FNBP4: variants seen among roughly 807,000 people sequenced by gnomAD.
The protein encoded by FNBP4 is formin binding protein 4.
FNBP4 carries 34 observed loss-of-function variants against 119.3 expected under a neutral mutation model. The observed-to-expected ratio is 0.28, with a 90% confidence interval of 0.22 to 0.38. The LOEUF (loss-of-function observed/expected upper bound fraction) is 0.38, where lower values mean the gene tolerates loss of function less well. FNBP4 is among the 10% of genes least tolerant of loss of function. The pLI is 1.00. For synonymous variants in FNBP4, 462 were observed against 430.6 expected (o/e 1.07, Z -0.90); for missense variants, 1,112 against 1,228.9 (o/e 0.90, Z 1.42).
intron 2 of FNBP4, among the ~76,000 whole-genome samples, chr11:47,762,854 G>A (rs573592929): frequency 2.9e-5 from 4 of 136,298 alleles, no homozygotes; most frequent in African/African-American, 1.0e-4. Flanking sequence ...AGACTGCAGT[G>A]AGCCAAGATC....
Position 47,717,385 on chromosome 11 carries a change from C to CA in FNBP4, c.*36dup. On this transcript the variant is annotated 3_prime_UTR_variant, in exon 17 of 17. Transcript: ENST00000263773. ...TTAAGACTTTGAACTGAACACAAAA[C>CA]AAACAATAATACAAAAAAGTTTTAA... 1 of 1,412,230 alleles carries CA rather than the reference C, an allele frequency of 7.1e-7. No homozygotes were observed. The highest frequency in any genetic ancestry group is 9.9e-7 in the Non-Finnish European group (1 of 1,009,230). 87.5% of individuals were successfully genotyped at this position (1,412,230 alleles called of 1,614,324 possible).
intron 9 of FNBP4, among the ~76,000 whole-genome samples, chr11:47,734,564 G>A (rs959926495): frequency 3.9e-5 from 6 of 152,100 alleles, no homozygotes; most frequent in Non-Finnish European, 7.3e-5. Flanking sequence ...GTTGCAAATG[G>A]ATCCCAATAT....
intron 15 of FNBP4, among the ~76,000 whole-genome samples, chr11:47,721,188 G>A (rs2097555287): frequency 6.6e-6 from 1 of 151,816 alleles, no homozygotes; most frequent in Non-Finnish European, 1.5e-5. Context: ...TGGCGTGGTG[G>A]TGGGCGCCTG....
rs57166656 is a variant in FNBP4 at position 47,765,582 on chromosome 11, GC to G, written c.221-221del. On this transcript the variant is annotated intron_variant, in intron 1 of 16. Transcript: ENST00000263773. ...GAGGCCAAGACGGGGGGGGGGGGGG[GC>G]CACTTGAGGTCAGGGGTTCAAGACC... Among the ~76,000 whole-genome samples, 109 of 52,612 alleles carry G rather than the reference GC, an allele frequency of 2.1e-3. 2 individuals carry two copies. Among genetic ancestry groups the G allele is most frequent in the Non-Finnish European group, 3.1e-3 (91 of 29,192 alleles). 34.5% of individuals were successfully genotyped at this position (52,612 alleles called of 152,430 possible). A position where few individuals can be genotyped will look rare whatever the true frequency, so the allele number is the denominator to read the frequency against.
chr11:47,750,359 G>T (rs1312824076), intron 6 of FNBP4, among the ~76,000 whole-genome samples: 2 of 112,326 alleles, frequency 1.8e-5, no homozygotes, highest in Non-Finnish European at 3.3e-5. Context: ...TCCAGCCTGG[G>T]CAACAGAGCG....
chr11:47,739,251 T>C (rs1321093563), intron 8 of FNBP4, among the ~76,000 whole-genome samples: 1 of 152,112 alleles, frequency 6.6e-6, no homozygotes, highest in Non-Finnish European at 1.5e-5. Flanking sequence ...ATTAAGTCCT[T>C]AACCTTATAA....
chr11:47,732,459 T>G lies in FNBP4; in HGVS notation c.1820+78A>C. The G allele has an allele frequency of 6.3e-7, 1 of 1,594,264 alleles. No homozygotes were observed. Among genetic ancestry groups the G allele is most frequent in the Non-Finnish European group, 8.6e-7 (1 of 1,167,450 alleles). The stretch of plus-strand genomic sequence containing the variant: ...CTCTCAGTCTCCAGACAGGCTGTCA[T>G]GTCGTCAGATGGTGGTGATCACAAA... On this transcript the variant is annotated intron_variant, in intron 11 of 16. Coordinates refer to ENST00000263773, the MANE Select transcript of FNBP4 (RefSeq NM_015308.5). This position sits in a 1 kb window ranked among gnomAD's most constrained non-coding sequence, Gnocchi z 4.2.
intron 7 of FNBP4, 77 bp from the exon 8 acceptor site, chr11:47,744,240 A>G (rs1205453565): frequency 1.6e-6 from 2 of 1,263,802 alleles, no homozygotes; most frequent in East Asian, 2.5e-5. Context: ...AAACAAGACT[A>G]TGTTGTTGAA....
intron 4 of FNBP4, among the ~76,000 whole-genome samples, chr11:47,752,007 G>A (rs946044143): frequency 2.0e-5 from 3 of 152,040 alleles, no homozygotes; most frequent in Non-Finnish European, 2.9e-5. Flanking sequence ...AAAATACTTT[G>A]AATATCATGG....
chr11:47,754,430 A>T, intron 3 of FNBP4, 98 bp downstream of exon 3: 1 of 1,117,014 alleles, frequency 9.0e-7, no homozygotes, highest in Non-Finnish European at 1.3e-6. Flanking sequence ...GGGAGAAAGG[A>T]GGAGGAAGAC....
rs545484297 is a variant in FNBP4, at chr11:47,753,704, G to T, written c.451-602C>A. Among the ~76,000 whole-genome samples the T allele has an allele frequency of 3.9e-5, 6 of 152,178 alleles. No homozygotes were observed. In the South Asian group the frequency reaches 1.2e-3, roughly 32 times the overall value. ...CCAGCTACTCAAGAGGCTGAGGTGG[G>T]AGAATTACTTGAACCTGGGTGGCAG... On this transcript the variant is annotated intron_variant, in intron 3 of 16. Coordinates refer to ENST00000263773, the MANE Select transcript of FNBP4 (RefSeq NM_015308.5).
chr11:47,765,124 A>G (rs939558920), intron 2 of FNBP4, 146 bp downstream of exon 2: 18 of 634,024 alleles, frequency 2.8e-5, no homozygotes, highest in Admixed American at 8.1e-5. Flanking sequence ...ATTCTCTCAC[A>G]AACAAAAATA....
rs753900169 is a variant in FNBP4 at position 47,767,057 on chromosome 11, G to C, written c.220+12C>G. 6.6e-6 allele frequency: 10 copies of C among 1,522,570 alleles called. No homozygotes were observed. The African/African-American group carries it at 1.4e-4, about 22-fold the overall frequency. The allele number at this position is 1,522,570 out of a possible 1,614,324, so 94.3% of individuals were successfully genotyped here. A position where few individuals can be genotyped will look rare whatever the true frequency, so the allele number is the denominator to read the frequency against. ...CCTGAGCTCGAGTTCAGGTCCCCCCGCGCACCCTTGCCTTCTGAAGGCGAG... is the reference window on the plus strand; with the variant it reads ...CCTGAGCTCGAGTTCAGGTCCCCCCCCGCACCCTTGCCTTCTGAAGGCGAG... On this transcript the variant is annotated intron_variant, in intron 1 of 16. Coordinates refer to ENST00000263773, the MANE Select transcript of FNBP4 (RefSeq NM_015308.5).
intron 2 of FNBP4, among the ~76,000 whole-genome samples, chr11:47,755,105 C>A (rs1421858114): frequency 7.1e-6 from 1 of 141,576 alleles, no homozygotes; most frequent in Non-Finnish European, 1.5e-5. Context: ...CTGCACTCCA[C>A]CCTGGGCAAA....
intron 8 of FNBP4, among the ~76,000 whole-genome samples, chr11:47,738,551 G>T (rs2097577307): frequency 6.6e-6 from 1 of 151,960 alleles, no homozygotes; most frequent in Non-Finnish European, 1.5e-5. Flanking sequence ...GGCAACAAGA[G>T]CAAAACTCCG....
intron 2 of FNBP4, among the ~76,000 whole-genome samples, chr11:47,762,877 T>TTGAA (rs2097638757): frequency 7.8e-6 from 1 of 128,540 alleles, no homozygotes; most frequent in African/African-American, 2.8e-5. Context: ...GCCACTGCAC[T>TTGAA]CCAGCCTGGG....
intron 2 of FNBP4, among the ~76,000 whole-genome samples, chr11:47,762,653 G>A (rs755044463): frequency 6.6e-6 from 1 of 151,566 alleles, no homozygotes; most frequent in Non-Finnish European, 1.5e-5. Context: ...TGGCTCATGC[G>A]TTTAATCCCA....
Position 47,717,226 on chromosome 11 carries a change from A to G in FNBP4, c.*196T>C. ...AGGCAGCATGGTCAAAGCAATTCCAATCACCTCATCCCTTTGCAAAAACAG... is the reference window on the plus strand; with the variant it reads ...AGGCAGCATGGTCAAAGCAATTCCAGTCACCTCATCCCTTTGCAAAAACAG... On this transcript the variant is annotated 3_prime_UTR_variant, in exon 17 of 17. Transcript: ENST00000263773. 5.1e-5 allele frequency: 26 copies of G among 505,228 alleles called. No individual in the cohort carries two copies. Among genetic ancestry groups the G allele is most frequent in the East Asian group, 6.7e-5 (2 of 29,972 alleles). The allele number at this position is 505,228 out of a possible 1,614,324, so 31.3% of individuals were successfully genotyped here.
chr11:47,744,278 C>CAT (rs2097586238), intron 7 of FNBP4, 115 bp from the exon 8 acceptor site: 1 of 614,830 alleles, frequency 1.6e-6, no homozygotes, highest in Non-Finnish European at 2.4e-6. Context: ...ACAGAAAGCA[C>CAT]TTTTTTTTTT....
Sources: allele counts gnomAD v4.1 joint callset (sites outside exome capture counted in the v4.1 genomes callset), GRCh38; gene constraint gnomAD v4.1.1; non-coding constraint Gnocchi (gnomAD v3.1); transcripts MANE v1.5; gene names NCBI Gene and HGNC (gene_info 2026-07-23, HGNC 2026-07-21).